The following IKBKE variants were observed in gnomAD, a reference collection of about 807,000 sequenced individuals.
The protein encoded by IKBKE is inhibitor of nuclear factor kappa B kinase subunit epsilon.
IKBKE carries 45 observed loss-of-function variants against 92.1 expected under a neutral mutation model. The ratio of observed to expected loss-of-function variants is 0.49; its 90% CI spans 0.38 to 0.63. The LOEUF is 0.63. Ranked by LOEUF, IKBKE falls within the 20% of genes least tolerant of loss-of-function variation. IKBKE has a pLI of 0.00. For missense variants in IKBKE, 700 were observed against 932.8 expected, an observed-to-expected ratio of 0.75 and a Z score of 3.25; for synonymous variants, 374 against 380.3, an observed-to-expected ratio of 0.98 and a Z score of 0.19.
In IKBKE at chr1:206,487,488, G is replaced by A. The variant is rs1345757249; in HGVS notation, c.1617-426G>A. Among the ~76,000 whole-genome samples, 1 of 152,144 alleles carries A rather than the reference G, an allele frequency of 6.6e-6. No homozygotes were observed. The highest frequency in any genetic ancestry group is 1.5e-5 in the Non-Finnish European group (1 of 68,026). On this transcript the variant is annotated intron_variant, in intron 15 of 21. Coordinates refer to ENST00000581977, the MANE Select transcript of IKBKE (RefSeq NM_014002.4). The surrounding 1 kb of genome is among the most constrained non-coding windows in gnomAD (Gnocchi z 5.3). Reference sequence around the variant, plus strand: ...AAGCTATATTCTTCTGCTTTTTCCAGTTGACCAGAGAGAGATTTTAGCTCC... The same window carrying A: ...AAGCTATATTCTTCTGCTTTTTCCAATTGACCAGAGAGAGATTTTAGCTCC...
At chr1:206,492,322 A>G (rs1283245511) in intron 18 of IKBKE, 3 of 404,304 alleles carry the variant, frequency 7.4e-6, no homozygotes, top group Non-Finnish European at 1.5e-5. Flanking sequence ...CTGTGTGAAC[A>G]CTGGCCCCTC....
chr1:206,492,681 TGA>T (rs1553390813), intron 18 of IKBKE: 1 of 514,916 alleles, frequency 1.9e-6, no homozygotes, highest in Non-Finnish European at 3.9e-6. Flanking sequence ...TTCCCCACAC[TGA>T]GAGCCCTGGT....
rs781787394 is a variant in IKBKE, at chr1:206,491,736, G to A, written c.1822G>A (p.Gly608Ser). The A allele has an allele frequency of 4.3e-6, 7 of 1,612,238 alleles. No homozygotes were observed. Among genetic ancestry groups the A allele is most frequent in the South Asian group, 2.2e-5 (2 of 91,004 alleles). Residue 608 changes from glycine (G) to serine (S), a missense_variant, in exon 18 of 22, where the codon GGC becomes AGC. By Grantham distance (56) the Gly-to-Ser change is moderately conservative. Coordinates refer to ENST00000581977, the MANE Select transcript of IKBKE (RefSeq NM_014002.4). ...GTATCAAGCGTCCTTAGTCACACACGGCAAGAGGATGAGGTAACAGCCCCT... is the reference window on the plus strand; with the variant it reads ...GTATCAAGCGTCCTTAGTCACACACAGCAAGAGGATGAGGTAACAGCCCCT... ...QKYQASLVTH[G>S]KRMRVVHETR...
chr1:206,490,549 C>T lies in IKBKE; in HGVS notation c.1694-270C>T, dbSNP rs41299340. 1.9e-3 allele frequency among the ~76,000 whole-genome samples: 289 copies of T among 152,314 alleles called. No homozygotes were observed. Among genetic ancestry groups the T allele is most frequent in the African/African-American group, 6.6e-3 (274 of 41,556 alleles). ...CAACTCCCACCTGAAGCATCCCCCACGTCCCCACCCCGGCCCTGCACTGCA... is the reference window on the plus strand; with the variant it reads ...CAACTCCCACCTGAAGCATCCCCCATGTCCCCACCCCGGCCCTGCACTGCA... On this transcript the variant is annotated intron_variant, in intron 16 of 21. Transcript: ENST00000581977. This position sits in a 1 kb window ranked among gnomAD's most constrained non-coding sequence, Gnocchi z 5.2.
intron 2 of IKBKE, chr1:206,472,931 G>T (rs11117858): frequency 0.77 from 323,837 of 420,714 alleles, 126,048 homozygotes; most frequent in African/African-American, 0.84. Flanking sequence ...TCAAGGGAAC[G>T]TGGGGAGCCA....
rs1553384241 is a variant in IKBKE at position 206,473,189 on chromosome 1, T to C, written c.-32-7T>C. The C allele has an allele frequency of 6.5e-7, 1 of 1,543,088 alleles. No homozygotes were observed. Among genetic ancestry groups the C allele is most frequent in the Non-Finnish European group, 8.9e-7 (1 of 1,123,850 alleles). On this transcript the variant is annotated splice_polypyrimidine_tract_variant and splice_region_variant and intron_variant, in intron 2 of 21. Transcript: ENST00000581977. ...AATCCTGGGCCCCCAGCATGCTCTT[T>C]CTCTAGGCAGAAGGTGACCAGCCAG...
intron 15 of IKBKE, among the ~76,000 whole-genome samples, chr1:206,486,872 C>CTGT (rs1665695878): frequency 6.7e-6 from 1 of 148,452 alleles, no homozygotes; most frequent in Non-Finnish European, 1.5e-5. Context: ...AAGGCCTCAT[C>CTGT]CTTTTGGATG....
chr1:206,492,375 G>A (rs937223066), intron 18 of IKBKE: 3 of 452,350 alleles, frequency 6.6e-6, no homozygotes, highest in African/African-American at 4.0e-5. Context: ...CACATTCTGA[G>A]GCCTGTAGGA....
At position 206,491,700 on chromosome 1, in the gene IKBKE, T is replaced by C; in HGVS notation, c.1786T>C (p.Cys596Arg). The C allele has an allele frequency of 1.9e-6, 3 of 1,613,232 alleles. No individual in the cohort carries two copies. The highest frequency in any genetic ancestry group is 2.5e-6 in the Non-Finnish European group (3 of 1,179,646). The change falls in exon 18 of 22, where the codon TGC becomes CGC. Residue 596 changes from cysteine to arginine, a missense_variant. Cys to Arg is a radical substitution (Grantham distance 180). Transcript: ENST00000581977. ...ACTCCTGCAGGTGTTCCAGGAGGAG[T>C]GCGTGCAGAAGTATCAAGCGTCCTT... ...KRLLQVFQEE[C>R]VQKYQASLVT...
At position 206,473,735 on chromosome 1, in the gene IKBKE, G is replaced by A. The variant is rs978913808; in HGVS notation, c.87+421G>A. Among the ~76,000 whole-genome samples, 10 of 151,998 alleles carry A rather than the reference G, an allele frequency of 6.6e-5. 2 individuals carry two copies. The South Asian group carries it at 2.1e-3, about 32-fold the overall frequency. On this transcript the variant is annotated intron_variant, in intron 3 of 21. Transcript: ENST00000581977. ...TCCCAGCACTTTGGGAGGCCGAGGT[G>A]GGCAGATCACGAGGTCAGGAGATCG...
chr1:206,477,568 A>G (rs1321712167), intron 7 of IKBKE, among the ~76,000 whole-genome samples, 181 bp from the exon 8 acceptor site: 1 of 152,164 alleles, frequency 6.6e-6, no homozygotes, highest in Non-Finnish European at 1.5e-5. Flanking sequence ...GGGCTCCAGG[A>G]GGAGTGCTGA....
rs1206811963 is a variant in IKBKE, at chr1:206,493,075, G to C, written c.1888G>C (p.Ala630Pro). ...GCGCCTGGTTGGCTGTTCTGTGGCT[G>C]CCTGTAACACAGAAGCCCAGGGGGT... Reference protein sequence around the residue: ...HLRLVGCSVAACNTEAQGVQE... With the variant: ...HLRLVGCSVAPCNTEAQGVQE... The change falls in exon 19 of 22, where the codon GCC becomes CCC. Residue 630 changes from alanine to proline, a missense_variant. Transcript: ENST00000581977. The C allele has an allele frequency of 2.5e-6, 4 of 1,591,192 alleles. No homozygotes were observed. The highest frequency in any genetic ancestry group is 1.3e-5 in the African/African-American group (1 of 74,606).
rs782317284 is a variant in IKBKE at position 206,476,168 on chromosome 1, C to T, written c.359-13C>T. On this transcript the variant is annotated splice_polypyrimidine_tract_variant and intron_variant, in intron 5 of 21. Coordinates refer to ENST00000581977, the MANE Select transcript of IKBKE (RefSeq NM_014002.4). This position sits in a 1 kb window ranked among gnomAD's most constrained non-coding sequence, Gnocchi z 5.1. The stretch of plus-strand genomic sequence containing the variant: ...GACCAGAGCCAGCTAGTGGCCTCCC[C>T]GTCTGTCCCCAGTGGCCGGCATGAA... 1.3e-4 allele frequency: 203 copies of T among 1,613,516 alleles called. No homozygotes were observed. Among genetic ancestry groups the T allele is most frequent in the Non-Finnish European group, 1.6e-4 (194 of 1,179,882 alleles).
rs781975185 is a variant in IKBKE at position 206,476,397 on chromosome 1, T to C, written c.540+35T>C. On this transcript the variant is annotated intron_variant, in intron 6 of 21. Transcript: ENST00000581977. This position sits in a 1 kb window ranked among gnomAD's most constrained non-coding sequence, Gnocchi z 5.1. ...CTGCTCGAGACCCGCTGCCCTATGC[T>C]GAGGGCTCCCCTTGCCTTGTGAGCC... 4 of 1,568,930 alleles carry C rather than the reference T, an allele frequency of 2.5e-6. No homozygotes were observed. The highest frequency in any genetic ancestry group is 3.5e-6 in the Non-Finnish European group (4 of 1,151,470).
intron 3 of IKBKE, among the ~76,000 whole-genome samples, chr1:206,473,675 G>A (rs1553384391): frequency 6.6e-6 from 1 of 152,140 alleles, no homozygotes; most frequent in East Asian, 1.9e-4. Flanking sequence ...ATTCAAGAGT[G>A]GTAGCCGGCC....
intron 19 of IKBKE, 62 bp downstream of exon 19, chr1:206,493,181 T>C (rs1304079781): frequency 3.2e-6 from 5 of 1,554,354 alleles, no homozygotes; most frequent in Middle Eastern, 3.4e-4. Flanking sequence ...TTGTTACCCA[T>C]GTCTTCCCCT....
At position 206,477,762 on chromosome 1, in the gene IKBKE, A is replaced by G; in HGVS notation, c.715A>G (p.Thr239Ala). 1 of 1,563,568 alleles carries G rather than the reference A, an allele frequency of 6.4e-7. No homozygotes were observed. Among genetic ancestry groups the G allele is most frequent in the Non-Finnish European group, 8.7e-7 (1 of 1,154,040 alleles). ...TCCTCCCCGCAGGTACCGGATCACC[A>G]CGGAGAAGCCGGCTGGGGCCATTGC... is the stretch of plus-strand genomic sequence containing the variant. Reference protein sequence around the residue: ...RNKEIMYRITTEKPAGAIAGA... With the variant: ...RNKEIMYRITAEKPAGAIAGA... The change falls in exon 8 of 22, where the codon ACG becomes GCG. Residue 239 changes from threonine to alanine, a missense_variant. By Grantham distance (58) the Thr-to-Ala change is moderately conservative (BLOSUM62 0). Coordinates refer to ENST00000581977, the MANE Select transcript of IKBKE (RefSeq NM_014002.4).
chr1:206,492,134 C>A (rs1450253212), intron 18 of IKBKE: 3 of 310,024 alleles, frequency 9.7e-6, no homozygotes, highest in Non-Finnish European at 1.3e-5. Context: ...CAAATCAAAT[C>A]TGGATTCTTT....
Position 206,485,903 on chromosome 1 carries a change from G to A in IKBKE, c.1616+597G>A, listed in dbSNP as rs1665627976. The stretch of plus-strand genomic sequence containing the variant: ...CCCCCAGGCCCCAGCTGACTGTGGG[G>A]AGCCGCTGCCTACCTTGCCGCTTCT... On this transcript the variant is annotated intron_variant, in intron 15 of 21. Transcript: ENST00000581977. The surrounding 1 kb of genome is among the most constrained non-coding windows in gnomAD (Gnocchi z 5.0). Among the ~76,000 whole-genome samples, 1 of 152,162 alleles carries A rather than the reference G, an allele frequency of 6.6e-6. No individual in the cohort carries two copies. The highest frequency in any genetic ancestry group is 2.4e-5 in the African/African-American group (1 of 41,432).
Sources: gnomAD v4.1 joint callset for allele counts (sites outside exome capture counted in the v4.1 genomes callset) on GRCh38, gnomAD v4.1.1 for gene constraint, Gnocchi (gnomAD v3.1) non-coding constraint, MANE v1.5 for transcripts, NCBI Gene and HGNC (gene_info 2026-07-23, HGNC 2026-07-21) for gene names.